The following GRM7 variants were observed in gnomAD, a reference collection of about 807,000 sequenced individuals.
GRM7 encodes metabotropic glutamate receptor 7.
In GRM7, 35 loss-of-function variants were observed where a neutral mutation model predicts 84.5. The observed-to-expected ratio is 0.41, with a 90% CI of 0.32 to 0.55. The LOEUF is 0.55. Ranked by LOEUF, GRM7 falls within the 20% of genes least tolerant of loss-of-function variation. The pLI, the probability that GRM7 is intolerant of heterozygous loss-of-function variation, is 0.19. For synonymous variants in GRM7, 487 were observed against 455.1 expected (o/e 1.07, Z -0.89); for missense variants, 1,003 against 1,194.6 (o/e 0.84, Z 2.36).
chr3:7,733,902 C>A (rs1702409952), intron 9 of GRM7, among the ~76,000 whole-genome samples: 1 of 152,200 alleles, frequency 6.6e-6, no homozygotes, highest in Non-Finnish European at 1.5e-5. Flanking sequence ...AATGCCCCTT[C>A]CACTGAAAAG....
At chr3:7,487,865 G>A (rs1462072822) in intron 7 of GRM7, among the ~76,000 whole-genome samples, 2 of 152,132 alleles carry the variant, frequency 1.3e-5, no homozygotes, top group African/African-American at 2.4e-5. Context: ...GCTCTTGGCA[G>A]CCCGTAATGC....
chr3:7,452,606 G>C lies in GRM7; in HGVS notation c.1175-1G>C, dbSNP rs1373002356. 1 of 1,587,774 alleles carries C rather than the reference G, an allele frequency of 6.3e-7. No individual in the cohort carries two copies. Among genetic ancestry groups the C allele is most frequent in the Non-Finnish European group, 8.6e-7 (1 of 1,156,410 alleles). ...TGTGTGTTTCTTGTTTTAATGTGCA[G>C]GACAGGAGAGAATTGGAAAAGATTC... On this transcript the variant is annotated splice_acceptor_variant, in intron 5 of 9. Transcript: ENST00000357716. LOFTEE classifies it high-confidence loss of function.
At chr3:7,358,001 G>A (rs1298048085) in intron 4 of GRM7, among the ~76,000 whole-genome samples, 1 of 152,008 alleles carries the variant, frequency 6.6e-6, no homozygotes, top group Non-Finnish European at 1.5e-5. Context: ...TTATGACCTT[G>A]AATATAGAGC....
At chr3:7,115,067 G>T (rs1692985610) in intron 1 of GRM7, among the ~76,000 whole-genome samples, 1 of 152,108 alleles carries the variant, frequency 6.6e-6, no homozygotes, top group Non-Finnish European at 1.5e-5. Flanking sequence ...GCTATTCTGT[G>T]ATTCAGTCTT....
In GRM7 at chr3:7,033,356, TCA is replaced by T. The variant is rs539480284; in HGVS notation, c.520-113093_520-113092del. On this transcript the variant is annotated intron_variant, in intron 1 of 9. Coordinates refer to ENST00000357716, the MANE Select transcript of GRM7 (RefSeq NM_000844.4). ...TGAATTCGGGATTATGCTATTCAAC[TCA>T]CAATATATATAAAATTATTTTGACT... Among the ~76,000 whole-genome samples the T allele has an allele frequency of 9.1e-4, 138 of 152,242 alleles. No homozygotes were observed. In the Middle Eastern group the frequency reaches 0.01, roughly 11 times the overall value.
intron 2 of GRM7, among the ~76,000 whole-genome samples, chr3:7,209,867 T>C (rs1696363335): frequency 6.6e-6 from 1 of 151,840 alleles, no homozygotes; most frequent in Non-Finnish European, 1.5e-5. Flanking sequence ...TACATGAGGA[T>C]AAAGGATCAA....
chr3:7,494,706 T>A (rs1699638893), intron 7 of GRM7, among the ~76,000 whole-genome samples: 1 of 152,204 alleles, frequency 6.6e-6, no homozygotes, highest in African/African-American at 2.4e-5. Flanking sequence ...CAGATTCTAA[T>A]CTCTGTCATC....
At chr3:7,075,990 T>C (rs1440920005) in intron 1 of GRM7, among the ~76,000 whole-genome samples, 1 of 152,098 alleles carries the variant, frequency 6.6e-6, no homozygotes, top group Admixed American at 6.6e-5. Context: ...TAATGAAAGT[T>C]ATCTCATCTA....
intron 7 of GRM7, among the ~76,000 whole-genome samples, chr3:7,542,559 T>G (rs533178117): frequency 7.5e-4 from 114 of 151,788 alleles, no homozygotes; most frequent in African/African-American, 2.6e-3. Flanking sequence ...CAATTTTTTT[T>G]TTTTTTTTTG....
intron 1 of GRM7, among the ~76,000 whole-genome samples, chr3:7,097,525 G>A (rs147165542): frequency 1.5e-3 from 223 of 152,026 alleles, no homozygotes; most frequent in African/African-American, 5.0e-3. Flanking sequence ...ACTTGAAGAT[G>A]GCATTGAACT....
At chr3:7,183,362 C>G (rs1246514966) in intron 2 of GRM7, among the ~76,000 whole-genome samples, 1 of 152,188 alleles carries the variant, frequency 6.6e-6, no homozygotes, top group African/African-American at 2.4e-5. Context: ...CGTGGTGGCT[C>G]ACGCCTGTAA....
chr3:7,387,349 C>T (rs1367147147), intron 4 of GRM7, among the ~76,000 whole-genome samples: 1 of 152,150 alleles, frequency 6.6e-6, no homozygotes, highest in Non-Finnish European at 1.5e-5. Flanking sequence ...GGGTTTTCAT[C>T]ATGAATTCTT....
chr3:7,198,651 C>A (rs1695961730), intron 2 of GRM7, among the ~76,000 whole-genome samples: 1 of 152,152 alleles, frequency 6.6e-6, no homozygotes, highest in Non-Finnish European at 1.5e-5. Context: ...AATTATGGAA[C>A]ACAAAGCCTA....
rs557181967 is a variant in GRM7, at chr3:7,215,526, G to A, written c.736+68858G>A. Among the ~76,000 whole-genome samples the A allele has an allele frequency of 2.0e-4, 30 of 152,098 alleles. No individual in the cohort carries two copies. The Middle Eastern group carries it at 0.017, about 86-fold the overall frequency. On this transcript the variant is annotated intron_variant, in intron 2 of 9. Transcript: ENST00000357716. ...AAAAATACAAAAAAATTAGCCAGGC[G>A]TGGTGGTGGGCGCCTGTAGTCCCAG...
At chr3:7,383,698 C>G (rs1694678238) in intron 4 of GRM7, among the ~76,000 whole-genome samples, 2 of 152,132 alleles carry the variant, frequency 1.3e-5, no homozygotes, top group African/African-American at 4.8e-5. Context: ...GCTTTCCCTG[C>G]TACACTGGAA....
intron 4 of GRM7, among the ~76,000 whole-genome samples, chr3:7,379,123 A>G (rs1404199791): frequency 6.6e-6 from 1 of 152,068 alleles, no homozygotes; most frequent in Non-Finnish European, 1.5e-5. Context: ...CTCGGGCTGG[A>G]GTGCAGTGGC....
chr3:7,057,762 G>C (rs1199956684), intron 1 of GRM7, among the ~76,000 whole-genome samples: 3 of 151,866 alleles, frequency 2.0e-5, no homozygotes, highest in Non-Finnish European at 4.4e-5. Flanking sequence ...GTAGTTTAAT[G>C]CTTGTGACTA....
chr3:7,280,004 G>A lies in GRM7; in HGVS notation c.737-18680G>A, dbSNP rs147547197. Among the ~76,000 whole-genome samples the A allele has an allele frequency of 3.6e-3, 553 of 152,260 alleles. 6 individuals are homozygous for A. Among genetic ancestry groups the A allele is most frequent in the African/African-American group, 0.013 (526 of 41,536 alleles). On this transcript the variant is annotated intron_variant, in intron 2 of 9. Coordinates refer to ENST00000357716, the MANE Select transcript of GRM7 (RefSeq NM_000844.4). ...CAGGAAGGGAGACTGGTGACCACAGGAGAATCTTTCTTGCCAGTGTTATTT... is the reference window on the plus strand; with the variant it reads ...CAGGAAGGGAGACTGGTGACCACAGAAGAATCTTTCTTGCCAGTGTTATTT...
At chr3:7,046,431 A>T (rs1027111473) in intron 1 of GRM7, among the ~76,000 whole-genome samples, 4 of 152,170 alleles carry the variant, frequency 2.6e-5, no homozygotes, top group African/African-American at 9.6e-5. Flanking sequence ...GGAAAACCAC[A>T]TAAAGTTGTT....
Sources: gnomAD v4.1 joint callset for allele counts (sites outside exome capture counted in the v4.1 genomes callset) on GRCh38, gnomAD v4.1.1 for gene constraint, MANE v1.5 for transcripts, NCBI Gene and HGNC (gene_info 2026-07-23, HGNC 2026-07-21) for gene names.